HNRNPA2B1: variants seen among roughly 807,000 people sequenced by gnomAD.
The protein encoded by HNRNPA2B1 is heterogeneous nuclear ribonucleoprotein A2/B1, also known as heterogeneous nuclear ribonucleoproteins A2/B1.
HNRNPA2B1 carries 3 observed loss-of-function variants against 46.3 expected under a neutral mutation model. The ratio of observed to expected loss-of-function variants is 0.06; its 90% CI spans 0.03 to 0.17. The LOEUF is 0.17. Among genes scored for constraint, HNRNPA2B1 ranks in the 10% least tolerant of loss-of-function variants. The probability of loss-of-function intolerance (pLI) is 1.00; values close to 1 mark genes in which losing one functional copy is unlikely to be tolerated. For missense variants in HNRNPA2B1, 221 were observed against 418.9 expected (o/e 0.53, Z 4.12); for synonymous variants, 225 against 133.8 (o/e 1.68, Z -4.70).
rs1240317493 is a variant in HNRNPA2B1 at position 26,190,295 on chromosome 7, A to G, written c.*2065T>C. ...GTAATTGTTTTATATCAAGAACCTC[A>G]ACTAAATGTTTGTTTTATCAGAAAA... On this transcript the variant is annotated 3_prime_UTR_variant, in exon 11 of 11. Transcript: ENST00000618183. 2.0e-5 allele frequency: 3 copies of G among 152,636 alleles called. No individual in the cohort carries two copies. Among genetic ancestry groups the G allele is most frequent in the Non-Finnish European group, 4.4e-5 (3 of 68,018 alleles). The allele number at this position is 152,636 out of a possible 1,614,324, so 9.5% of individuals were successfully genotyped here.
chr7:26,197,883 A>G, intron 1 of HNRNPA2B1, 151 bp from the exon 2 acceptor site: 3 of 1,575,882 alleles, frequency 1.9e-6, no homozygotes, highest in South Asian at 1.2e-5. Context: ...GGAAAAAAAA[A>G]ACTTACATCA....
In HNRNPA2B1 at chr7:26,198,610, T is replaced by A. The variant is rs796127625; in HGVS notation, c.7-878A>T. ...GTGGCAAGCGACAGGCACAAAACAA[T>A]TTTCCAAGTCAATAGGAAAAACCTC... On this transcript the variant is annotated intron_variant, in intron 1 of 10. Coordinates refer to ENST00000618183, the MANE Select transcript of HNRNPA2B1 (RefSeq NM_002137.4). The A allele has an allele frequency of 2.0e-5, 3 of 152,348 alleles. No individual in the cohort carries two copies. In the South Asian group the frequency reaches 6.2e-4, roughly 32 times the overall value. 9.4% of individuals were successfully genotyped at this position (152,348 alleles called of 1,614,324 possible).
chr7:26,194,404 A>G (rs894292168), intron 7 of HNRNPA2B1, among the ~76,000 whole-genome samples: 1 of 151,908 alleles, frequency 6.6e-6, no homozygotes, highest in Admixed American at 6.6e-5. Context: ...TCAAAAAACG[A>G]AACAATGTTC....
chr7:26,192,488 T>C lies in HNRNPA2B1; in HGVS notation c.*21+7A>G. ...AATAATAATTGTAAAACTCAAAAGC[T>C]ACTTACCCATGGCAAATAGGAAGAA... On this transcript the variant is annotated splice_region_variant and intron_variant, in intron 10 of 10. Transcript: ENST00000618183. 6.3e-7 allele frequency: 1 copy of C among 1,586,150 alleles called. No individual in the cohort carries two copies. The highest frequency in any genetic ancestry group is 1.3e-5 in the African/African-American group (1 of 74,416).
At chr7:26,200,346 C>T in intron 1 of HNRNPA2B1, 1 of 602,332 alleles carries the variant, frequency 1.7e-6, no homozygotes, top group South Asian at 1.9e-5. Flanking sequence ...CTCCCCATCC[C>T]CCACCCCCAG....
At position 26,196,677 on chromosome 7, in the gene HNRNPA2B1, A is replaced by C; in HGVS notation, c.476-19T>G. ...TTCTGCACTGGAATGAAAAATTCAG[A>C]CTCCTTTTAAATTAAATCAACAATA... On this transcript the variant is annotated intron_variant, in intron 4 of 10. Transcript: ENST00000618183. 1 of 1,598,406 alleles carries C rather than the reference A, an allele frequency of 6.3e-7. No homozygotes were observed. The highest frequency in any genetic ancestry group is 8.6e-7 in the Non-Finnish European group (1 of 1,167,824).
rs1292888920 is a variant in HNRNPA2B1, at chr7:26,196,542, C to T, written c.577+15G>A. ...TATATGAACAAAAATAAAGAAGAAA[C>T]AGAATTAAAATTACCTCCTCTTCCA... is the stretch of plus-strand genomic sequence containing the variant. On this transcript the variant is annotated intron_variant, in intron 5 of 10. Transcript: ENST00000618183. 6.2e-7 allele frequency: 1 copy of T among 1,612,224 alleles called. No individual in the cohort carries two copies. The highest frequency in any genetic ancestry group is 8.5e-7 in the Non-Finnish European group (1 of 1,178,592).
At chr7:26,194,663 A>G (rs1783308870) in intron 7 of HNRNPA2B1, among the ~76,000 whole-genome samples, 1 of 152,094 alleles carries the variant, frequency 6.6e-6, no homozygotes, top group Admixed American at 6.5e-5. Context: ...ACTGCACTCC[A>G]GTCTGAGCAA....
At chr7:26,196,338 A>G (rs187558378) in intron 6 of HNRNPA2B1, 63 bp downstream of exon 6, 1 of 1,339,032 alleles carries the variant, frequency 7.5e-7, no homozygotes. Context: ...TACTAATGAA[A>G]ACCTAATCAT....
chr7:26,199,092 T>C (rs1784037644), intron 1 of HNRNPA2B1: 1 of 152,402 alleles, frequency 6.6e-6, no homozygotes, highest in Admixed American at 6.5e-5. Context: ...TTAATTGTCG[T>C]CAGCACATAG....
intron 1 of HNRNPA2B1, chr7:26,198,999 A>C (rs1224702258): frequency 6.6e-6 from 1 of 152,204 alleles, no homozygotes; most frequent in Non-Finnish European, 1.5e-5. Context: ...TGATCAAACT[A>C]GCTCCTATGA....
At chr7:26,198,961 T>C (rs1210057792) in intron 1 of HNRNPA2B1, 2 of 152,166 alleles carry the variant, frequency 1.3e-5, no homozygotes. Context: ...TCATGACTCG[T>C]AAAAATTAAA....
intron 1 of HNRNPA2B1, 193 bp from the exon 2 acceptor site, chr7:26,197,925 TTG>T (rs1042768783): frequency 1.6e-5 from 21 of 1,333,704 alleles, no homozygotes; most frequent in African/African-American, 3.0e-5. Flanking sequence ...TGCATATTAG[TTG>T]TGTTACACCA....
intron 6 of HNRNPA2B1, 152 bp downstream of exon 6, chr7:26,196,249 G>T: frequency 1.5e-6 from 1 of 669,594 alleles, no homozygotes; most frequent in Non-Finnish European, 2.5e-6. Context: ...CTTCTTGTCT[G>T]GCCAAATCAC....
At chr7:26,199,345 A>G (rs1784071438) in intron 1 of HNRNPA2B1, 1 of 152,490 alleles carries the variant, frequency 6.6e-6, no homozygotes, top group East Asian at 1.9e-4. Context: ...TGCAAACAAA[A>G]TGAGAAAAGT....
intron 7 of HNRNPA2B1, among the ~76,000 whole-genome samples, chr7:26,195,489 A>G (rs965656560): frequency 6.6e-6 from 1 of 152,148 alleles, no homozygotes; most frequent in Non-Finnish European, 1.5e-5. Flanking sequence ...GTTTAGACAT[A>G]TTTCATATTT....
chr7:26,200,562 A>C lies in HNRNPA2B1; in HGVS notation c.6+10T>G, dbSNP rs763502231. 1 of 1,613,298 alleles carries C rather than the reference A, an allele frequency of 6.2e-7. No homozygotes were observed. Among genetic ancestry groups the C allele is most frequent in the Non-Finnish European group, 8.5e-7 (1 of 1,179,966 alleles). Reference sequence around the variant, plus strand: ...CCTTTTCAATAACTCATTGATTTCAAACCCGTTACCTCCATCGCGGACTCA... The same window carrying C: ...CCTTTTCAATAACTCATTGATTTCACACCCGTTACCTCCATCGCGGACTCA... On this transcript the variant is annotated intron_variant, in intron 1 of 10. Coordinates refer to ENST00000618183, the MANE Select transcript of HNRNPA2B1 (RefSeq NM_002137.4).
intron 4 of HNRNPA2B1, 33 bp downstream of exon 4, chr7:26,196,774 A>G (rs749055030): frequency 2.5e-6 from 4 of 1,592,856 alleles, no homozygotes; most frequent in South Asian, 1.1e-5. Flanking sequence ...AATACACTGG[A>G]AAAAAACAGT....
Position 26,196,499 on chromosome 7 carries a change from G to C in HNRNPA2B1, c.578-18C>G, listed in dbSNP as rs759431743. Reference sequence around the variant, plus strand: ...AAAGTTGCCTACAATAAATGCCCCAGTTAGAAGCAAGCCCTTATATATGAA... The same window carrying C: ...AAAGTTGCCTACAATAAATGCCCCACTTAGAAGCAAGCCCTTATATATGAA... On this transcript the variant is annotated intron_variant, in intron 5 of 10. Transcript: ENST00000618183. The C allele has an allele frequency of 6.2e-7, 1 of 1,613,684 alleles. No homozygotes were observed. The highest frequency in any genetic ancestry group is 8.5e-7 in the Non-Finnish European group (1 of 1,179,792).
Sources: gnomAD v4.1 joint callset for allele counts (sites outside exome capture counted in the v4.1 genomes callset) on GRCh38, gnomAD v4.1.1 for gene constraint, MANE v1.5 for transcripts, NCBI Gene and HGNC (gene_info 2026-07-23, HGNC 2026-07-21) for gene names.